DPP10: variants seen among roughly 807,000 people sequenced by gnomAD.
DPP10 encodes dipeptidyl peptidase like 10.
In DPP10, 33 loss-of-function variants were observed where a neutral mutation model predicts 120.9. The observed-to-expected ratio is 0.27, with a 90% confidence interval of 0.21 to 0.37. The LOEUF (loss-of-function observed/expected upper bound fraction) is 0.37, where lower values mean the gene tolerates loss of function less well. DPP10 is among the 10% of genes least tolerant of loss of function. The probability of loss-of-function intolerance (pLI) is 1.00; values close to 1 mark genes in which losing one functional copy is unlikely to be tolerated. For synonymous variants in DPP10, 337 were observed against 326.1 expected, an observed-to-expected ratio of 1.03 and a Z score of -0.36; for missense variants, 816 against 942.8, an observed-to-expected ratio of 0.87 and a Z score of 1.76.
chr2:115,810,636 AT>A (rs1236569421), intron 19 of DPP10, among the ~76,000 whole-genome samples: 1 of 152,178 alleles, frequency 6.6e-6, no homozygotes, highest in Non-Finnish European at 1.5e-5. Flanking sequence ...TGCAGTCTTA[AT>A]TTGATTCTGC....
intron 1 of DPP10, among the ~76,000 whole-genome samples, chr2:115,156,029 C>T (rs1223299495): frequency 1.8e-4 from 28 of 152,144 alleles, no homozygotes; most frequent in Admixed American, 1.8e-3. Flanking sequence ...TTTCCTTACT[C>T]TCCCAAAAAG....
At chr2:115,781,174 A>G (rs1024186168) in intron 16 of DPP10, among the ~76,000 whole-genome samples, 179 bp downstream of exon 16, 4 of 151,860 alleles carry the variant, frequency 2.6e-5, no homozygotes, top group African/African-American at 7.2e-5. Flanking sequence ...TATTTTGTAT[A>G]GAAATAAAAA....
chr2:114,849,298 T>A (rs1326767675), intron 1 of DPP10, among the ~76,000 whole-genome samples: 1 of 152,162 alleles, frequency 6.6e-6, no homozygotes, highest in African/African-American at 2.4e-5. Context: ...TGCTGTCTTC[T>A]ATGAGTTTAT....
chr2:115,000,015 A>AG (rs1195350664), intron 1 of DPP10, among the ~76,000 whole-genome samples: 1 of 8,042 alleles, frequency 1.2e-4, no homozygotes, highest in East Asian at 0.016. Flanking sequence ...TCAACCAATT[A>AG]GTTTTTTTTT....
intron 1 of DPP10, among the ~76,000 whole-genome samples, chr2:115,003,089 T>C (rs1701553571): frequency 6.8e-6 from 1 of 147,918 alleles, no homozygotes; most frequent in Non-Finnish European, 1.5e-5. Context: ...CTATTCACAA[T>C]AGCAAAGACA....
chr2:114,572,574 A>G (rs1287927110), intron 1 of DPP10, among the ~76,000 whole-genome samples: 1 of 152,218 alleles, frequency 6.6e-6, no homozygotes, highest in Non-Finnish European at 1.5e-5. Context: ...CAATCTGTCC[A>G]GCTCCCGTGA....
chr2:114,465,896 G>A (rs1243425427), intron 1 of DPP10, among the ~76,000 whole-genome samples: 1 of 152,076 alleles, frequency 6.6e-6, no homozygotes, highest in Non-Finnish European at 1.5e-5. Context: ...AAGAAATGTT[G>A]TTAATTATAG....
intron 19 of DPP10, among the ~76,000 whole-genome samples, chr2:115,807,061 C>T (rs1686067685): frequency 6.6e-6 from 1 of 152,140 alleles, no homozygotes; most frequent in South Asian, 2.1e-4. Flanking sequence ...AGATCAAATG[C>T]TATCCTAGCT....
At chr2:115,444,807 C>G (rs1390539699) in intron 3 of DPP10, among the ~76,000 whole-genome samples, 1 of 152,088 alleles carries the variant, frequency 6.6e-6, no homozygotes, top group African/African-American at 2.4e-5. Flanking sequence ...AGCTGTGTAC[C>G]TATGGAATTT....
At chr2:115,257,384 T>C (rs6759005) in intron 1 of DPP10, among the ~76,000 whole-genome samples, 9,322 of 152,256 alleles carry the variant, frequency 0.061, 337 homozygotes, top group Middle Eastern at 0.11. Flanking sequence ...ATAGGAGGCA[T>C]GGTGCTGGTA....
At chr2:115,641,237 G>A (rs1224185112) in intron 5 of DPP10, among the ~76,000 whole-genome samples, 7 of 152,018 alleles carry the variant, frequency 4.6e-5, no homozygotes, top group Admixed American at 6.6e-5. Flanking sequence ...AGAGTCCATC[G>A]TCTACTCAAA....
At chr2:115,805,172 A>G (rs1685775635) in intron 19 of DPP10, among the ~76,000 whole-genome samples, 1 of 151,554 alleles carries the variant, frequency 6.6e-6, no homozygotes, top group Non-Finnish European at 1.5e-5. Flanking sequence ...TTGCAGTTTG[A>G]TCTCAGACTG....
intron 17 of DPP10, 41 bp from the exon 18 acceptor site, chr2:115,791,040 C>A: frequency 7.0e-7 from 1 of 1,425,248 alleles, no homozygotes; most frequent in Non-Finnish European, 9.8e-7. Context: ...CTGTTTAATG[C>A]ATAGGGGTTA....
At chr2:114,964,226 T>G (rs1009745465) in intron 1 of DPP10, among the ~76,000 whole-genome samples, 30 of 152,358 alleles carry the variant, frequency 2.0e-4, no homozygotes, top group African/African-American at 7.2e-4. Flanking sequence ...ATTATTATTC[T>G]GTTAATTTTC....
chr2:115,787,707 T>TA (rs1308103398), intron 17 of DPP10, among the ~76,000 whole-genome samples: 3 of 152,040 alleles, frequency 2.0e-5, no homozygotes, highest in Non-Finnish European at 4.4e-5. Flanking sequence ...ATGAAAAAGT[T>TA]AAAAAAAGTT....
chr2:115,215,489 A>G (rs543681662), intron 1 of DPP10, among the ~76,000 whole-genome samples: 23 of 152,312 alleles, frequency 1.5e-4, no homozygotes, highest in African/African-American at 5.5e-4. Context: ...TCACATGTCT[A>G]TTATTATTTA....
intron 1 of DPP10, among the ~76,000 whole-genome samples, chr2:114,684,116 A>T (rs998604159): frequency 9.9e-5 from 15 of 151,912 alleles, no homozygotes; most frequent in African/African-American, 3.6e-4. Flanking sequence ...AGCATTCCAG[A>T]TAGGGAAGAT....
At chr2:114,642,269 C>A (rs549484937) in intron 1 of DPP10, among the ~76,000 whole-genome samples, 1 of 151,846 alleles carries the variant, frequency 6.6e-6, no homozygotes, top group South Asian at 2.1e-4. Context: ...TGAAAAGAAG[C>A]CTATGTAGGT....
intron 1 of DPP10, among the ~76,000 whole-genome samples, chr2:115,081,181 T>C (rs13429874): frequency 0.17 from 25,723 of 152,160 alleles, 2,360 homozygotes; most frequent in Non-Finnish European, 0.17. Flanking sequence ...ATCTAGAAAA[T>C]TGTCAATCAC....
Sources: gnomAD v4.1 joint callset for allele counts (sites outside exome capture counted in the v4.1 genomes callset) on GRCh38, gnomAD v4.1.1 for gene constraint, MANE v1.5 for transcripts, NCBI Gene and HGNC (gene_info 2026-07-23, HGNC 2026-07-21) for gene names.